ARL6IP5: variants seen among roughly 807,000 people sequenced by gnomAD.
ARL6IP5 encodes ARF like GTPase 6 interacting protein 5, also known as PRA1 family protein 3.
A neutral mutation model predicts 13.0 loss-of-function variants in ARL6IP5; 6 were observed. That is an observed-to-expected ratio of 0.46 (90% confidence interval 0.25 to 0.91). The LOEUF (loss-of-function observed/expected upper bound fraction) is 0.91, where lower values mean the gene tolerates loss of function less well. Among genes scored for constraint, ARL6IP5 ranks in the 40% least tolerant of loss-of-function variants. The pLI, the probability that ARL6IP5 is intolerant of heterozygous loss-of-function variation, is 0.17. For missense variants in ARL6IP5, 208 were observed against 248.8 expected (o/e 0.84, Z 1.10); for synonymous variants, 91 against 91.9 (o/e 0.99, Z 0.06).
intron 1 of ARL6IP5, among the ~76,000 whole-genome samples, chr3:69,101,125 C>G (rs1436699930): frequency 6.6e-6 from 1 of 152,056 alleles, no homozygotes; most frequent in African/African-American, 2.4e-5. Flanking sequence ...ATTCTACATT[C>G]GTCCATCATG....
At chr3:69,085,440 GC>G (rs2092244654) in intron 1 of ARL6IP5, among the ~76,000 whole-genome samples, 2 of 152,212 alleles carry the variant, frequency 1.3e-5, no homozygotes, top group African/African-American at 4.8e-5. Context: ...CTTGAGGGGG[GC>G]CCTAGGGGAA....
chr3:69,096,023 G>A (rs1438547882), intron 1 of ARL6IP5, among the ~76,000 whole-genome samples: 1 of 152,236 alleles, frequency 6.6e-6, no homozygotes, highest in Non-Finnish European at 1.5e-5. Context: ...TAGAGGGTGT[G>A]TGTGTGTGTG....
intron 1 of ARL6IP5, among the ~76,000 whole-genome samples, chr3:69,100,958 T>C (rs181443459): frequency 6.6e-4 from 100 of 152,230 alleles, no homozygotes; most frequent in African/African-American, 2.2e-3. Flanking sequence ...CCTAGCACTG[T>C]TATTTTCTTG....
Position 69,105,054 on chromosome 3 carries a change from T to G in ARL6IP5, c.*418T>G, listed in dbSNP as rs1479756624. 1.7e-6 allele frequency: 1 copy of G among 585,552 alleles called. No individual in the cohort carries two copies. Among genetic ancestry groups the G allele is most frequent in the African/African-American group, 1.9e-5 (1 of 53,318 alleles). 36.3% of individuals were successfully genotyped at this position (585,552 alleles called of 1,614,324 possible). On this transcript the variant is annotated 3_prime_UTR_variant, in exon 3 of 3. Transcript: ENST00000273258. ...GTAGATGACATCATGTGTTAGCCTG[T>G]TCCTAATCCCCTAGAATTGTAATGT...
At chr3:69,085,476 C>CGCAAATTTGCCA (rs2092244816) in intron 1 of ARL6IP5, among the ~76,000 whole-genome samples, 1 of 152,246 alleles carries the variant, frequency 6.6e-6, no homozygotes, top group African/African-American at 2.4e-5. Context: ...ATTTGCCAGC[C>CGCAAATTTGCCA]GCAGGGAAGA....
chr3:69,101,580 G>A (rs949660764), intron 1 of ARL6IP5, among the ~76,000 whole-genome samples: 6 of 152,056 alleles, frequency 3.9e-5, no homozygotes, highest in Non-Finnish European at 8.8e-5. Flanking sequence ...CTTGGCCTCT[G>A]AAAGTGCTGG....
rs149605261 is a variant in ARL6IP5, at chr3:69,103,856, C to T, written c.395-608C>T. On this transcript the variant is annotated intron_variant, in intron 2 of 2. Transcript: ENST00000273258. ...TTCCCAGGCCTGTCTCTTTAAGGCT[C>T]AGGTGGAGGAGGTCCAGGAAAGGGG... Among the ~76,000 whole-genome samples the T allele has an allele frequency of 5.4e-3, 822 of 152,212 alleles. 9 individuals carry two copies. Among genetic ancestry groups the T allele is most frequent in the African/African-American group, 0.018 (766 of 41,514 alleles).
At chr3:69,090,201 C>A (rs185267875) in intron 1 of ARL6IP5, among the ~76,000 whole-genome samples, 2 of 152,320 alleles carry the variant, frequency 1.3e-5, no homozygotes, top group Admixed American at 1.3e-4. Flanking sequence ...GGATCAGAAT[C>A]TATTGAAATG....
chr3:69,094,083 C>T (rs2092278951), intron 1 of ARL6IP5, among the ~76,000 whole-genome samples: 1 of 152,174 alleles, frequency 6.6e-6, no homozygotes, highest in African/African-American at 2.4e-5. Flanking sequence ...GCCTGATTCA[C>T]CTCACCCTGA....
At chr3:69,097,879 G>A (rs10212513) in intron 1 of ARL6IP5, among the ~76,000 whole-genome samples, 57,379 of 151,922 alleles carry the variant, frequency 0.38, 11,013 homozygotes, top group Middle Eastern at 0.44. Flanking sequence ...AGAAGGAACA[G>A]CTTCGCTGTG....
intron 1 of ARL6IP5, among the ~76,000 whole-genome samples, chr3:69,087,563 A>G (rs377535053): frequency 3.9e-5 from 6 of 152,294 alleles, no homozygotes; most frequent in East Asian, 3.9e-4. Context: ...TGCTTTTGAT[A>G]GAATCCATTT....
At chr3:69,098,510 G>C (rs2107514016) in intron 1 of ARL6IP5, among the ~76,000 whole-genome samples, 1 of 152,034 alleles carries the variant, frequency 6.6e-6, no homozygotes, top group Middle Eastern at 3.4e-3. Context: ...CTCCCAAAGT[G>C]CTGGGATTAC....
chr3:69,096,323 T>C (rs2092286969), intron 1 of ARL6IP5, among the ~76,000 whole-genome samples: 2 of 152,208 alleles, frequency 1.3e-5, no homozygotes, highest in Non-Finnish European at 2.9e-5. Flanking sequence ...CCTGGATTTT[T>C]CATTGTTCCT....
intron 1 of ARL6IP5, among the ~76,000 whole-genome samples, chr3:69,086,750 C>A (rs1469831899): frequency 6.8e-6 from 1 of 146,864 alleles, no homozygotes; most frequent in Non-Finnish European, 1.5e-5. Flanking sequence ...TGAGACTGAG[C>A]CTCGTTCTGT....
intron 1 of ARL6IP5, among the ~76,000 whole-genome samples, chr3:69,101,595 A>G (rs918743054): frequency 6.6e-6 from 1 of 152,100 alleles, no homozygotes; most frequent in Admixed American, 6.6e-5. Flanking sequence ...TGCTGGGATT[A>G]TAGGTGTGAA....
chr3:69,104,338 C>T (rs181994843), intron 2 of ARL6IP5, 126 bp from the exon 3 acceptor site: 21 of 919,040 alleles, frequency 2.3e-5, no homozygotes, highest in African/African-American at 1.3e-4. Context: ...TGCATCAATT[C>T]GAGAAGCAGA....
intron 1 of ARL6IP5, among the ~76,000 whole-genome samples, chr3:69,091,348 T>C (rs1002895255): frequency 1.3e-5 from 2 of 152,074 alleles, no homozygotes; most frequent in African/African-American, 4.8e-5. Flanking sequence ...GGCTGGAGTA[T>C]GGTGGCGCAG....
chr3:69,102,300 T>C, intron 2 of ARL6IP5: 1 of 533,036 alleles, frequency 1.9e-6, no homozygotes, highest in East Asian at 3.3e-5. Context: ...ATCTGCTATG[T>C]GTCATACATT....
intron 1 of ARL6IP5, among the ~76,000 whole-genome samples, chr3:69,097,972 G>T (rs1044680889): frequency 3.9e-5 from 6 of 152,296 alleles, no homozygotes; most frequent in African/African-American, 1.4e-4. Context: ...TGTGCCAAGC[G>T]GCGGTTGTGG....
Sources: allele counts gnomAD v4.1 joint callset (sites outside exome capture counted in the v4.1 genomes callset), GRCh38; gene constraint gnomAD v4.1.1; transcripts MANE v1.5; gene names NCBI Gene and HGNC (gene_info 2026-07-23, HGNC 2026-07-21).